CFL1: variants seen among roughly 807,000 people sequenced by gnomAD.
The protein encoded by CFL1 is cofilin 1.
A neutral mutation model predicts 16.3 loss-of-function variants in CFL1; 2 were observed. The observed-to-expected ratio is 0.12, with a 90% confidence interval of 0.05 to 0.39. CFL1 has a LOEUF of 0.39. CFL1 is among the 10% of genes least tolerant of loss of function. CFL1 has a pLI of 0.99. For synonymous variants in CFL1, 111 were observed against 84.4 expected (o/e 1.31, Z -1.73); for missense variants, 75 against 212.2 (o/e 0.35, Z 4.02).
rs759505486 is a variant in CFL1 at position 65,855,163 on chromosome 11, G to A, written c.*173C>T. On this transcript the variant is annotated 3_prime_UTR_variant, in exon 4 of 4. Transcript: ENST00000308162. ...GGCCAGAACCGTCAAGGGATGGAGG[G>A]AGAAGGAAAATCCAGGGGGTGGGGG... 6.7e-4 allele frequency: 398 copies of A among 594,298 alleles called. 1 individual carries two copies. The highest frequency in any genetic ancestry group is 1.0e-3 in the Non-Finnish European group (342 of 331,226). The allele number at this position is 594,298 out of a possible 1,614,324, so 36.8% of individuals were successfully genotyped here.
chr11:65,857,814 A>T (rs1358800834), intron 1 of CFL1: 3 of 239,638 alleles, frequency 1.3e-5, no homozygotes, highest in Non-Finnish European at 2.4e-5. Flanking sequence ...GGGGCGCCCC[A>T]GCGCGCGCCC....
chr11:65,856,423 C>T (rs1378897662), intron 1 of CFL1, 181 bp from the exon 2 acceptor site: 1 of 603,526 alleles, frequency 1.7e-6, no homozygotes, highest in Non-Finnish European at 2.9e-6. Flanking sequence ...GAATGGCAGC[C>T]ATGGCCTCTG....
intron 1 of CFL1, 191 bp downstream of exon 1, chr11:65,857,906 G>A (rs1859418068): frequency 2.3e-6 from 1 of 427,352 alleles, no homozygotes. Flanking sequence ...CGCGAGCGAC[G>A]TCCAGACCGG....
intron 1 of CFL1, chr11:65,857,648 G>A (rs1040996974): frequency 4.5e-5 from 10 of 223,236 alleles, no homozygotes; most frequent in South Asian, 2.0e-4. Flanking sequence ...GCCGAGGGAG[G>A]GTGACGCGCA....
chr11:65,855,682 G>C lies in CFL1; in HGVS notation c.360C>G (p.Ser120=). 1 of 1,573,696 alleles carries C rather than the reference G, an allele frequency of 6.4e-7. No homozygotes were observed. The highest frequency in any genetic ancestry group is 1.2e-5 in the South Asian group (1 of 84,490). Residue 120 remains serine, a synonymous_variant, in exon 3 of 4, where the codon TCC becomes TCG. Transcript: ENST00000308162. The part of the protein sequence containing the change: ...PLKSKMIYAS[S]KDAIKKKLTG... ...TCAGCTTCTTCTTGATGGCGTCCTT[G>C]GAGCTGGCATAAATCATTTTGCTCT...
chr11:65,855,009 G>T lies in CFL1; in HGVS notation c.*327C>A, dbSNP rs1210671927. ...GGTTAGAAGTTGGCAGCATGGGAAG[G>T]GGGAGGACCAGGTGGGGAATGGGGA... is the stretch of plus-strand genomic sequence containing the variant. On this transcript the variant is annotated 3_prime_UTR_variant, in exon 4 of 4. Coordinates refer to ENST00000308162, the MANE Select transcript of CFL1 (RefSeq NM_005507.3). 1 of 327,984 alleles carries T rather than the reference G, an allele frequency of 3.0e-6. No homozygotes were observed. Among genetic ancestry groups the T allele is most frequent in the Non-Finnish European group, 5.9e-6 (1 of 168,382 alleles). 20.3% of individuals were successfully genotyped at this position (327,984 alleles called of 1,614,324 possible). A position where few individuals can be genotyped will look rare whatever the true frequency, so the allele number is the denominator to read the frequency against.
chr11:65,856,425 T>C (rs893180472), intron 1 of CFL1, 183 bp from the exon 2 acceptor site: 18 of 598,208 alleles, frequency 3.0e-5, no homozygotes, highest in African/African-American at 2.8e-4. Flanking sequence ...ATGGCAGCCA[T>C]GGCCTCTGAT....
rs1022487692 is a variant in CFL1 at position 65,854,886 on chromosome 11, G to C, written c.*450C>G. 4 of 156,920 alleles carry C rather than the reference G, an allele frequency of 2.5e-5. No homozygotes were observed. Among genetic ancestry groups the C allele is most frequent in the African/African-American group, 7.2e-5 (3 of 41,430 alleles). The allele number at this position is 156,920 out of a possible 1,614,324, so 9.7% of individuals were successfully genotyped here. A position where few individuals can be genotyped will look rare whatever the true frequency, so the allele number is the denominator to read the frequency against. ...GCTTCCATGAGTAGCCGTGACCAGG[G>C]GAAAAGGGAGAGGAACCAGCCGGCA... is the stretch of plus-strand genomic sequence containing the variant. On this transcript the variant is annotated 3_prime_UTR_variant, in exon 4 of 4. Coordinates refer to ENST00000308162, the MANE Select transcript of CFL1 (RefSeq NM_005507.3).
At chr11:65,855,522 G>A in intron 3 of CFL1, 74 bp from the exon 4 acceptor site, 3 of 1,563,364 alleles carry the variant, frequency 1.9e-6, no homozygotes, top group South Asian at 1.1e-5. Context: ...CTGGGAAGGA[G>A]CCAATCAAAG....
In CFL1 at chr11:65,856,054, G is replaced by C. The variant is rs11550148; in HGVS notation, c.192C>G (p.Val64=). The C allele has an allele frequency of 2.5e-6, 4 of 1,614,008 alleles. No homozygotes were observed. The highest frequency in any genetic ancestry group is 1.3e-5 in the African/African-American group (1 of 74,888). Residue 64 remains valine (V), a synonymous_variant, in exon 2 of 4, where the codon GTC becomes GTG. Coordinates refer to ENST00000308162, the MANE Select transcript of CFL1 (RefSeq NM_005507.3). ...EILVGDVGQT[V]DDPYATFVKM... The stretch of plus-strand genomic sequence containing the variant: ...TGACAAAGGTGGCGTAGGGGTCGTC[G>C]ACAGTCTGGCCCACATCGCCCACCA...
Position 65,855,427 on chromosome 11 carries a change from G to C in CFL1, c.410C>G (p.Ala137Gly). The C allele has an allele frequency of 6.2e-7, 1 of 1,613,518 alleles. No homozygotes were observed. The highest frequency in any genetic ancestry group is 8.5e-7 in the Non-Finnish European group (1 of 1,179,816). The change falls in exon 4 of 4, where the codon GCA becomes GGA. Residue 137 changes from alanine to glycine, a missense_variant. Physicochemically the swap from Ala to Gly is moderately conservative, Grantham distance 60 (BLOSUM62 0). Transcript: ENST00000308162. ...GTCCTTGACCTCCTCGTAGCAGTTTGCTTGCAATTCATGCTTGATCCCTAT... is the reference window on the plus strand; with the variant it reads ...GTCCTTGACCTCCTCGTAGCAGTTTCCTTGCAATTCATGCTTGATCCCTAT... ...KLTGIKHELQ[A>G]NCYEEVKDRC...
In CFL1 at chr11:65,855,438, A is replaced by G. The variant is rs755866633; in HGVS notation, c.399T>C (p.His133=). The change falls in exon 4 of 4, where the codon CAT becomes CAC. Residue 133 remains histidine (H), a synonymous_variant. Transcript: ENST00000308162. ...CCTCGTAGCAGTTTGCTTGCAATTC[A>G]TGCTTGATCCCTATAAAGAAGAAAG... is the stretch of plus-strand genomic sequence containing the variant. ...AIKKKLTGIK[H]ELQANCYEEV... is the part of the protein sequence containing the mutation. 7 of 1,613,346 alleles carry G rather than the reference A, an allele frequency of 4.3e-6. No homozygotes were observed. In the South Asian group the frequency reaches 5.5e-5, roughly 13 times the overall value.
chr11:65,855,401 G>A lies in CFL1; in HGVS notation c.436C>T (p.Arg146Cys), dbSNP rs763811440. ...QANCYEEVKD[R>C]CTLAEKLGGS... ...CCCAGCTTCTCTGCCAGGGTGCAGC[G>A]GTCCTTGACCTCCTCGTAGCAGTTT... The change falls in exon 4 of 4, where the codon CGC becomes TGC. Residue 146 changes from arginine to cysteine, a missense_variant. By Grantham distance (180) the Arg-to-Cys change is radical. Transcript: ENST00000308162. 2.5e-6 allele frequency: 4 copies of A among 1,613,190 alleles called. No homozygotes were observed. The highest frequency in any genetic ancestry group is 3.4e-6 in the Non-Finnish European group (4 of 1,179,856).
At position 65,858,150 on chromosome 11, in the gene CFL1, C is replaced by G. The variant is rs866850114; in HGVS notation, c.-51G>C. On this transcript the variant is annotated 5_prime_UTR_variant, in exon 1 of 4. Transcript: ENST00000308162. ...CACCGAGAGCCGCAGAAGACGAGAG[C>G]GCTGCAGCCGCTGCCGGGACCCGAC... 7 of 1,512,504 alleles carry G rather than the reference C, an allele frequency of 4.6e-6. No homozygotes were observed. Among genetic ancestry groups the G allele is most frequent in the South Asian group, 3.7e-5 (3 of 80,618 alleles). The allele number at this position is 1,512,504 out of a possible 1,614,324, so 93.7% of individuals were successfully genotyped here.
chr11:65,857,345 C>G, intron 1 of CFL1: 2 of 368,148 alleles, frequency 5.4e-6, no homozygotes, highest in Non-Finnish European at 1.1e-5. Flanking sequence ...GCCTCGCTGG[C>G]CCAGGGCTTC....
chr11:65,857,760 A>C, intron 1 of CFL1: 1 of 179,072 alleles, frequency 5.6e-6, no homozygotes, highest in Non-Finnish European at 1.2e-5. Flanking sequence ...TCCAGTCGAG[A>C]GCGCGCCCCT....
rs1246629188 is a variant in CFL1, at chr11:65,857,444, C to T, written c.3+653G>A. On this transcript the variant is annotated intron_variant, in intron 1 of 3. Transcript: ENST00000308162. ...GCCCGATGCACGGGTGAGAACGCAG[C>T]TCGTTAGATGCGCTCCCGAACGGGC... 6 of 433,254 alleles carry T rather than the reference C, an allele frequency of 1.4e-5. No homozygotes were observed. In the East Asian group the frequency reaches 4.0e-4, roughly 29 times the overall value. 26.8% of individuals were successfully genotyped at this position (433,254 alleles called of 1,614,324 possible).
At position 65,855,050 on chromosome 11, in the gene CFL1, T is replaced by A. The variant is rs1224348707; in HGVS notation, c.*286A>T. 5.1e-6 allele frequency: 2 copies of A among 388,784 alleles called. No homozygotes were observed. Among genetic ancestry groups the A allele is most frequent in the African/African-American group, 4.1e-5 (2 of 48,714 alleles). The allele number at this position is 388,784 out of a possible 1,614,324, so 24.1% of individuals were successfully genotyped here. A position where few individuals can be genotyped will look rare whatever the true frequency, so the allele number is the denominator to read the frequency against. ...GGAATGGGGATGTTGTTAAAAAAAATACAGGCTCCCCCACAACTGGGGTGC... is the reference window on the plus strand; with the variant it reads ...GGAATGGGGATGTTGTTAAAAAAAAAACAGGCTCCCCCACAACTGGGGTGC... On this transcript the variant is annotated 3_prime_UTR_variant, in exon 4 of 4. Transcript: ENST00000308162.
At position 65,855,183 on chromosome 11, in the gene CFL1, TG is replaced by T. The variant is rs1426021320; in HGVS notation, c.*152del. ...GGAGGGAGAAGGAAAATCCAGGGGG[TG>T]GGGGGTCTGTTTGGCAACTGGGGTG... On this transcript the variant is annotated 3_prime_UTR_variant, in exon 4 of 4. Coordinates refer to ENST00000308162, the MANE Select transcript of CFL1 (RefSeq NM_005507.3). 4.9e-6 allele frequency: 3 copies of T among 611,246 alleles called. No homozygotes were observed. The highest frequency in any genetic ancestry group is 2.8e-5 in the East Asian group (1 of 35,178). 37.9% of individuals were successfully genotyped at this position (611,246 alleles called of 1,614,324 possible).
Sources: gnomAD v4.1 joint callset for allele counts on GRCh38, gnomAD v4.1.1 for gene constraint, MANE v1.5 for transcripts, NCBI Gene and HGNC (gene_info 2026-07-23, HGNC 2026-07-21) for gene names.